EXT2: variants seen among roughly 807,000 people sequenced by gnomAD.
The protein encoded by EXT2 is exostosin-2.
A neutral mutation model predicts 81.6 loss-of-function variants in EXT2; 53 were observed. The observed-to-expected ratio is 0.65, with a 90% CI of 0.52 to 0.82. EXT2 has a LOEUF of 0.82. Ranked by LOEUF, EXT2 falls within the 40% of genes least tolerant of loss-of-function variation. The pLI is 0.00. For missense variants in EXT2, 774 were observed against 910.2 expected, an observed-to-expected ratio of 0.85 and a Z score of 1.93; for synonymous variants, 320 against 340.0, an observed-to-expected ratio of 0.94 and a Z score of 0.65.
chr11:44,096,327 G>C (rs941248621), intron 1 of EXT2: 1 of 1,535,866 alleles, frequency 6.5e-7, no homozygotes, highest in Non-Finnish European at 8.7e-7. Flanking sequence ...ACGAGGTAGG[G>C]AAGGGGCCAG....
At chr11:44,104,780 T>C (rs7938320) in intron 1 of EXT2, 28,066 of 152,106 alleles carry the variant, frequency 0.18, 3,373 homozygotes, top group African/African-American at 0.34. Context: ...AGCCATACCA[T>C]AGGGTGGGCC....
chr11:44,142,808 A>G (rs957579111), intron 7 of EXT2, among the ~76,000 whole-genome samples: 9 of 152,246 alleles, frequency 5.9e-5, no homozygotes, highest in Non-Finnish European at 1.3e-4. Context: ...GAAGCAGTGC[A>G]TAGGGAATAT....
At chr11:44,207,120 C>T (rs908331201) in intron 10 of EXT2, among the ~76,000 whole-genome samples, 161 bp downstream of exon 10, 1 of 152,196 alleles carries the variant, frequency 6.6e-6, no homozygotes, top group Non-Finnish European at 1.5e-5. Flanking sequence ...GGTTATGAAG[C>T]TGTTCTTTGA....
chr11:44,111,555 A>T (rs542707274), intron 3 of EXT2, among the ~76,000 whole-genome samples: 1 of 152,318 alleles, frequency 6.6e-6, no homozygotes, highest in South Asian at 2.1e-4. Context: ...TAATACCGTT[A>T]CTACCTTGGA....
intron 8 of EXT2, among the ~76,000 whole-genome samples, chr11:44,179,087 C>G (rs1286094459): frequency 6.6e-6 from 1 of 151,570 alleles, no homozygotes; most frequent in Non-Finnish European, 1.5e-5. Flanking sequence ...ATCTGGGGCC[C>G]CAAGCAAAGA....
At chr11:44,176,483 T>C (rs1384429525) in intron 8 of EXT2, among the ~76,000 whole-genome samples, 5 of 152,214 alleles carry the variant, frequency 3.3e-5, no homozygotes, top group Non-Finnish European at 7.3e-5. Context: ...TTTTAACTCT[T>C]TCTTAAATAA....
rs1009310819 is a variant in EXT2, at chr11:44,105,531, A to G, written c.-30-2152A>G. ...GGTCTTGAACTCCTGATCTCAGGTGATCTGTCTGCCTTGGCCTCCCAAAGT... is the reference window on the plus strand; with the variant it reads ...GGTCTTGAACTCCTGATCTCAGGTGGTCTGTCTGCCTTGGCCTCCCAAAGT... On this transcript the variant is annotated intron_variant, in intron 1 of 13. Coordinates refer to ENST00000533608, the MANE Select transcript of EXT2 (RefSeq NM_207122.2). Among the ~76,000 whole-genome samples, 5 of 152,292 alleles carry G rather than the reference A, an allele frequency of 3.3e-5. No individual in the cohort carries two copies. The East Asian group carries it at 9.6e-4, about 29-fold the overall frequency.
chr11:44,240,565 A>C (rs953327522), intron 13 of EXT2, among the ~76,000 whole-genome samples: 6 of 152,196 alleles, frequency 3.9e-5, no homozygotes, highest in African/African-American at 1.4e-4. Context: ...CAAAATCCCT[A>C]TCTGTAAAAA....
chr11:44,160,148 C>T (rs1051075771), intron 7 of EXT2, among the ~76,000 whole-genome samples: 3 of 152,150 alleles, frequency 2.0e-5, no homozygotes, highest in African/African-American at 7.2e-5. Flanking sequence ...TGTGGGGATG[C>T]CCCCATCTCT....
chr11:44,112,325 T>C (rs1292389664), intron 3 of EXT2, among the ~76,000 whole-genome samples: 13 of 152,188 alleles, frequency 8.5e-5, no homozygotes. Flanking sequence ...GGAGAGCGCC[T>C]CCAGTGATTA....
At chr11:44,123,290 CA>C (rs1954345620) in intron 4 of EXT2, among the ~76,000 whole-genome samples, 1 of 152,218 alleles carries the variant, frequency 6.6e-6, no homozygotes, top group Non-Finnish European at 1.5e-5. Flanking sequence ...ATTCTCTCTT[CA>C]AAGCCAAAAA....
intron 12 of EXT2, 138 bp downstream of exon 12, chr11:44,234,381 T>C: frequency 3.6e-6 from 3 of 838,080 alleles, no homozygotes; most frequent in Non-Finnish European, 5.9e-6. Flanking sequence ...GGTTCTATGA[T>C]TGATGCGGTC....
chr11:44,177,571 C>G (rs1217402886), intron 8 of EXT2, among the ~76,000 whole-genome samples: 1 of 152,200 alleles, frequency 6.6e-6, no homozygotes, highest in Non-Finnish European at 1.5e-5. Context: ...GCTATGTCCT[C>G]TCAGTGACAG....
At chr11:44,182,105 C>T (rs1337432311) in intron 8 of EXT2, among the ~76,000 whole-genome samples, 3 of 152,226 alleles carry the variant, frequency 2.0e-5, no homozygotes, top group Non-Finnish European at 2.9e-5. Flanking sequence ...AGGAAGGAGT[C>T]GGGTTCTCAT....
At chr11:44,232,738 A>G (rs1955914043) in intron 11 of EXT2, among the ~76,000 whole-genome samples, 2 of 152,336 alleles carry the variant, frequency 1.3e-5, no homozygotes, top group South Asian at 4.1e-4. Context: ...TAACCATTTT[A>G]TCATTCAGGT....
At chr11:44,125,079 C>A in intron 5 of EXT2, 95 bp downstream of exon 5, 2 of 1,189,946 alleles carry the variant, frequency 1.7e-6, no homozygotes, top group Non-Finnish European at 2.5e-6. Context: ...TTTCAGCATG[C>A]AACTAGAATT....
At chr11:44,207,928 G>A (rs944916245) in intron 10 of EXT2, among the ~76,000 whole-genome samples, 3 of 152,020 alleles carry the variant, frequency 2.0e-5, no homozygotes, top group Non-Finnish European at 4.4e-5. Context: ...TAAAAAAAAT[G>A]TAGCTTCATT....
rs1016445202 is a variant in EXT2, at chr11:44,247,499, G to A, written c.*3212G>A. ...ACTCCTGACCTCAGGTGATCTGCAC[G>A]CCTTGACCTCCCAAAGTGCTGGGAT... On this transcript the variant is annotated 3_prime_UTR_variant, in exon 14 of 14. Transcript: ENST00000533608. Among the ~76,000 whole-genome samples, 2 of 152,174 alleles carry A rather than the reference G, an allele frequency of 1.3e-5. No individual in the cohort carries two copies. Among genetic ancestry groups the A allele is most frequent in the African/African-American group, 2.4e-5 (1 of 41,442 alleles).
At chr11:44,110,450 G>A (rs955565434) in intron 3 of EXT2, among the ~76,000 whole-genome samples, 1 of 152,162 alleles carries the variant, frequency 6.6e-6, no homozygotes, top group Non-Finnish European at 1.5e-5. Context: ...GGGTAATTCC[G>A]GATTTGGCTC....
Sources: allele counts gnomAD v4.1 joint callset (sites outside exome capture counted in the v4.1 genomes callset), GRCh38; gene constraint gnomAD v4.1.1; transcripts MANE v1.5; gene names NCBI Gene and HGNC (gene_info 2026-07-23, HGNC 2026-07-21).